Variants in CACNA2D3 observed in about 807,000 individuals in gnomAD.
CACNA2D3 encodes calcium voltage-gated channel auxiliary subunit alpha2delta 3.
CACNA2D3 carries 60 observed loss-of-function variants against 160.6 expected under a neutral mutation model. The ratio of observed to expected loss-of-function variants is 0.37; its 90% CI spans 0.30 to 0.46. The LOEUF (loss-of-function observed/expected upper bound fraction) is 0.46, where lower values mean the gene tolerates loss of function less well. Ranked by LOEUF, CACNA2D3 falls within the 20% of genes least tolerant of loss-of-function variation. The probability of loss-of-function intolerance (pLI) is 1.00; values close to 1 mark genes in which losing one functional copy is unlikely to be tolerated. For missense variants in CACNA2D3, 1,205 were observed against 1,365.0 expected, an observed-to-expected ratio of 0.88 and a Z score of 1.85; for synonymous variants, 558 against 492.9, an observed-to-expected ratio of 1.13 and a Z score of -1.75.
At chr3:54,126,760 G>A (rs966631785) in intron 2 of CACNA2D3, among the ~76,000 whole-genome samples, 1 of 152,164 alleles carries the variant, frequency 6.6e-6, no homozygotes, top group South Asian at 2.1e-4. Context: ...CTGGTGCGCC[G>A]CTGTATGCCT....
intron 2 of CACNA2D3, among the ~76,000 whole-genome samples, chr3:54,153,897 A>C (rs1474054329): frequency 6.6e-6 from 1 of 152,174 alleles, no homozygotes; most frequent in African/African-American, 2.4e-5. Context: ...TGCACTTTTG[A>C]TAAAGTGAAA....
At chr3:54,890,505 AAAAAAAAAAG>A (rs1700035138) in intron 24 of CACNA2D3, among the ~76,000 whole-genome samples, 1 of 151,646 alleles carries the variant, frequency 6.6e-6, no homozygotes, top group African/African-American at 2.4e-5. Flanking sequence ...CAAAAAAAAA[AAAAAAAAAAG>A]AAAAAGAAAG....
intron 3 of CACNA2D3, among the ~76,000 whole-genome samples, chr3:54,333,462 C>A (rs1704311266): frequency 6.6e-6 from 1 of 151,972 alleles, no homozygotes; most frequent in African/African-American, 2.4e-5. Flanking sequence ...GATGTATATG[C>A]ACCTGCCCAC....
At chr3:54,341,862 G>T (rs1344560861) in intron 3 of CACNA2D3, among the ~76,000 whole-genome samples, 1 of 152,094 alleles carries the variant, frequency 6.6e-6, no homozygotes, top group African/African-American at 2.4e-5. Context: ...TTAGCATAGT[G>T]CCTGGGTCAA....
intron 9 of CACNA2D3, among the ~76,000 whole-genome samples, chr3:54,601,145 A>G (rs1703052713): frequency 6.6e-6 from 1 of 152,114 alleles, no homozygotes; most frequent in Non-Finnish European, 1.5e-5. Flanking sequence ...TCTGCTTATC[A>G]AGTTGGTGGA....
Position 54,729,152 on chromosome 3 carries a change from C to A in CACNA2D3, c.1168-23447C>A, listed in dbSNP as rs964183805. 1.3e-5 allele frequency among the ~76,000 whole-genome samples: 2 copies of A among 152,178 alleles called. 1 individual carries two copies. The highest frequency in any genetic ancestry group is 4.8e-5 in the African/African-American group (2 of 41,534). The stretch of plus-strand genomic sequence containing the variant: ...TTCCCTATGATCTCTAACTCCTGGC[C>A]TCATGTGATCCACCCGCCTCGGCCT... On this transcript the variant is annotated intron_variant, in intron 11 of 37. Transcript: ENST00000474759.
At chr3:54,616,331 G>T (rs1288548146) in intron 9 of CACNA2D3, among the ~76,000 whole-genome samples, 1 of 152,196 alleles carries the variant, frequency 6.6e-6, no homozygotes, top group Non-Finnish European at 1.5e-5. Context: ...CCTGACAGCT[G>T]TTGGTTGGAA....
intron 3 of CACNA2D3, among the ~76,000 whole-genome samples, chr3:54,364,111 C>T (rs368107911): frequency 9.8e-5 from 15 of 152,304 alleles, no homozygotes; most frequent in East Asian, 7.7e-4. Flanking sequence ...GTTTGGTATG[C>T]GCTGGGCAGA....
chr3:54,339,690 A>G (rs769898687), intron 3 of CACNA2D3, among the ~76,000 whole-genome samples: 2 of 152,196 alleles, frequency 1.3e-5, no homozygotes, highest in Non-Finnish European at 2.9e-5. Context: ...TTTTACCTAC[A>G]ACAATATTAG....
Position 54,164,145 on chromosome 3 carries a change from T to A in CACNA2D3, c.204+40551T>A, listed in dbSNP as rs535960004. Reference sequence around the variant, plus strand: ...CTGAGGGACCTGTACCTGCAAAGACTCTCAGGGGAGGAGGACGGCTTTCTG... The same window carrying A: ...CTGAGGGACCTGTACCTGCAAAGACACTCAGGGGAGGAGGACGGCTTTCTG... On this transcript the variant is annotated intron_variant, in intron 2 of 37. Transcript: ENST00000474759. 1.1e-3 allele frequency among the ~76,000 whole-genome samples: 161 copies of A among 152,268 alleles called. 1 individual carries two copies. The highest frequency in any genetic ancestry group is 3.8e-3 in the African/African-American group (156 of 41,564).
intron 2 of CACNA2D3, among the ~76,000 whole-genome samples, chr3:54,291,131 A>C (rs981973818): frequency 6.6e-6 from 1 of 152,198 alleles, no homozygotes; most frequent in Middle Eastern, 3.2e-3. Context: ...ATACCAAAAT[A>C]CAAATTGTTG....
chr3:54,891,884 T>A (rs1700078471), intron 25 of CACNA2D3, among the ~76,000 whole-genome samples: 1 of 152,204 alleles, frequency 6.6e-6, no homozygotes, highest in Non-Finnish European at 1.5e-5. Flanking sequence ...TACATTTTAC[T>A]AATAAACCTC....
At chr3:54,376,362 T>C (rs1297733304) in intron 3 of CACNA2D3, among the ~76,000 whole-genome samples, 1 of 152,242 alleles carries the variant, frequency 6.6e-6, no homozygotes, top group Non-Finnish European at 1.5e-5. Flanking sequence ...ATTCCTGCAC[T>C]GGTGCTCTAT....
At chr3:54,823,728 G>T (rs1703689402) in intron 14 of CACNA2D3, among the ~76,000 whole-genome samples, 1 of 152,082 alleles carries the variant, frequency 6.6e-6, no homozygotes, top group Non-Finnish European at 1.5e-5. Flanking sequence ...TGTACATTAT[G>T]CTCCTGTTGT....
chr3:54,594,360 G>T (rs1016274983), intron 9 of CACNA2D3, among the ~76,000 whole-genome samples: 3 of 152,132 alleles, frequency 2.0e-5, no homozygotes, highest in Admixed American at 1.3e-4. Context: ...GCAAAATATG[G>T]CCCTTGAGTC....
At chr3:55,036,022 G>A (rs1191249919) in intron 35 of CACNA2D3, among the ~76,000 whole-genome samples, 2 of 152,060 alleles carry the variant, frequency 1.3e-5, no homozygotes, top group Non-Finnish European at 2.9e-5. Context: ...GTTCCACCAG[G>A]TGTTGCCTGA....
At chr3:54,975,257 A>G (rs895689560) in intron 29 of CACNA2D3, among the ~76,000 whole-genome samples, 8 of 152,148 alleles carry the variant, frequency 5.3e-5, no homozygotes, top group Non-Finnish European at 8.8e-5. Context: ...GATGGCTCAC[A>G]CCTGTAATCC....
intron 2 of CACNA2D3, among the ~76,000 whole-genome samples, chr3:54,303,860 C>T (rs1463919950): frequency 2.4e-5 from 3 of 123,746 alleles, no homozygotes; most frequent in Admixed American, 1.0e-4. Flanking sequence ...TGCTGCTCAG[C>T]GGGAGGGATT....
intron 3 of CACNA2D3, chr3:54,385,823 A>G (rs1699177888): frequency 2.2e-6 from 1 of 449,270 alleles, no homozygotes; most frequent in Non-Finnish European, 4.4e-6. Flanking sequence ...CATAGGATAC[A>G]AGAGTGACCA....
Sources: gnomAD v4.1 joint callset for allele counts (sites outside exome capture counted in the v4.1 genomes callset) on GRCh38, gnomAD v4.1.1 for gene constraint, MANE v1.5 for transcripts, NCBI Gene and HGNC (gene_info 2026-07-23, HGNC 2026-07-21) for gene names.